Variants in TBC1D5 observed in about 807,000 individuals in gnomAD.
TBC1D5 encodes the protein TBC1 domain family member 5.
In TBC1D5, 75 loss-of-function variants were observed where a neutral mutation model predicts 100.3. That is an observed-to-expected ratio of 0.75 (90% CI 0.62 to 0.91). TBC1D5 has a LOEUF of 0.91. Among genes scored for constraint, TBC1D5 ranks in the 40% least tolerant of loss-of-function variants. TBC1D5 has a pLI of 0.00. For synonymous variants in TBC1D5, 323 were observed against 325.6 expected (o/e 0.99, Z 0.09); for missense variants, 910 against 942.4 (o/e 0.97, Z 0.45).
At chr3:17,591,667 T>C (rs1235316098) in intron 2 of TBC1D5, among the ~76,000 whole-genome samples, 2 of 152,082 alleles carry the variant, frequency 1.3e-5, no homozygotes, top group African/African-American at 4.8e-5. Context: ...AATGGTCATT[T>C]CCCCAGTGCT....
At chr3:17,697,283 G>C (rs955159415) in intron 1 of TBC1D5, among the ~76,000 whole-genome samples, 2 of 152,148 alleles carry the variant, frequency 1.3e-5, no homozygotes, top group African/African-American at 4.8e-5. Context: ...AGAAATAAAA[G>C]GTATTTAATT....
chr3:17,550,155 T>A (rs1279304624), intron 2 of TBC1D5, among the ~76,000 whole-genome samples: 3 of 152,120 alleles, frequency 2.0e-5, no homozygotes, highest in Non-Finnish European at 4.4e-5. Context: ...CGTGGATAAA[T>A]GATACATTGT....
chr3:17,648,275 T>C (rs1321258763), intron 1 of TBC1D5, among the ~76,000 whole-genome samples: 2 of 152,158 alleles, frequency 1.3e-5, no homozygotes, highest in Admixed American at 6.6e-5. Context: ...ACTAGCCATA[T>C]ATAGATGATT....
intron 18 of TBC1D5, among the ~76,000 whole-genome samples, chr3:17,199,106 A>G (rs1168888455): frequency 6.6e-6 from 1 of 152,260 alleles, no homozygotes; most frequent in Non-Finnish European, 1.5e-5. Flanking sequence ...AATTTAAATC[A>G]CAATTTCTGG....
At chr3:17,691,379 G>A (rs574519834) in intron 1 of TBC1D5, among the ~76,000 whole-genome samples, 8 of 152,192 alleles carry the variant, frequency 5.3e-5, no homozygotes, top group African/African-American at 1.9e-4. Context: ...CCACAAAGTG[G>A]CCTTCACAAA....
intron 2 of TBC1D5, chr3:17,518,884 G>C (rs1029167645): frequency 6.6e-6 from 1 of 152,410 alleles, no homozygotes; most frequent in African/African-American, 2.4e-5. Flanking sequence ...GCTTGCTCTG[G>C]CTCCCGCACC....
intron 16 of TBC1D5, among the ~76,000 whole-genome samples, chr3:17,245,086 G>C (rs2076627772): frequency 6.7e-6 from 1 of 149,766 alleles, no homozygotes; most frequent in African/African-American, 2.5e-5. Context: ...CCAGCTACTT[G>C]AGGGGCTAAG....
rs549642614 is a variant in TBC1D5, at chr3:17,419,338, C to T, written c.167+9112G>A. ...TTACAAAATAAATTGTGTGTACTTT[C>T]CTCTCTTGTCTTTAAAAGCTTCCCC... On this transcript the variant is annotated intron_variant, in intron 4 of 21. Transcript: ENST00000253692. Among the ~76,000 whole-genome samples the T allele has an allele frequency of 9.2e-5, 14 of 152,222 alleles. No individual in the cohort carries two copies. In the South Asian group the frequency reaches 2.9e-3, roughly 32 times the overall value.
At chr3:17,482,095 C>T (rs557468209) in intron 3 of TBC1D5, among the ~76,000 whole-genome samples, 1 of 152,156 alleles carries the variant, frequency 6.6e-6, no homozygotes, top group Non-Finnish European at 1.5e-5. Context: ...TAAATAAACG[C>T]CTTCAGAACA....
At chr3:17,509,678 T>A (rs1050949276) in intron 2 of TBC1D5, among the ~76,000 whole-genome samples, 1 of 152,032 alleles carries the variant, frequency 6.6e-6, no homozygotes, top group African/African-American at 2.4e-5. Context: ...AAACCTTGTT[T>A]ATATGATACA....
At chr3:17,260,004 C>T (rs2078124076) in intron 15 of TBC1D5, among the ~76,000 whole-genome samples, 1 of 152,082 alleles carries the variant, frequency 6.6e-6, no homozygotes, top group Non-Finnish European at 1.5e-5. Context: ...TCCATGACGA[C>T]CATACTATTA....
At chr3:17,623,311 T>C (rs2062823733) in intron 2 of TBC1D5, among the ~76,000 whole-genome samples, 1 of 152,184 alleles carries the variant, frequency 6.6e-6, no homozygotes, top group Non-Finnish European at 1.5e-5. Flanking sequence ...ATAGTAAGTG[T>C]ATAATGCGTA....
intron 13 of TBC1D5, among the ~76,000 whole-genome samples, chr3:17,321,422 A>C (rs2085389444): frequency 6.6e-6 from 1 of 152,216 alleles, no homozygotes; most frequent in Non-Finnish European, 1.5e-5. Flanking sequence ...GGAAACACTT[A>C]TCAATGCATT....
intron 3 of TBC1D5, among the ~76,000 whole-genome samples, chr3:17,464,092 C>T (rs2095262721): frequency 6.6e-6 from 1 of 151,980 alleles, no homozygotes; most frequent in African/African-American, 2.4e-5. Flanking sequence ...GCTGGGATTA[C>T]AGGCATGCGC....
intron 13 of TBC1D5, among the ~76,000 whole-genome samples, chr3:17,362,049 T>A (rs1041844053): frequency 1.3e-5 from 2 of 152,108 alleles, no homozygotes; most frequent in African/African-American, 2.4e-5. Flanking sequence ...GGAGAAAGGG[T>A]AGTCTTTCCA....
intron 18 of TBC1D5, among the ~76,000 whole-genome samples, chr3:17,189,824 G>T (rs2069641703): frequency 6.6e-6 from 1 of 152,152 alleles, no homozygotes; most frequent in South Asian, 2.1e-4. Context: ...AGATTCACCA[G>T]CTGTAATGCT....
chr3:17,684,116 T>C (rs952289283), intron 1 of TBC1D5, among the ~76,000 whole-genome samples: 6 of 151,870 alleles, frequency 4.0e-5, no homozygotes, highest in Non-Finnish European at 5.9e-5. Flanking sequence ...GAAGACCACA[T>C]TGGCATTACT....
intron 1 of TBC1D5, among the ~76,000 whole-genome samples, chr3:17,721,219 CTATCAAA>C (rs1243228288): frequency 1.3e-5 from 2 of 151,990 alleles, no homozygotes; most frequent in African/African-American, 4.8e-5. Flanking sequence ...AAATCTAGGT[CTATCAAA>C]TATTTTATAG....
At chr3:17,518,242 C>T (rs1276260097) in intron 2 of TBC1D5, among the ~76,000 whole-genome samples, 1 of 152,202 alleles carries the variant, frequency 6.6e-6, no homozygotes, top group Non-Finnish European at 1.5e-5. Context: ...GTTAGAACTT[C>T]TATCCCTGTT....
Sources: allele counts gnomAD v4.1 joint callset (sites outside exome capture counted in the v4.1 genomes callset), GRCh38; gene constraint gnomAD v4.1.1; transcripts MANE v1.5; gene names NCBI Gene and HGNC (gene_info 2026-07-23, HGNC 2026-07-21).